BDH1: variants seen among roughly 807,000 people sequenced by gnomAD.
BDH1 encodes the protein D-beta-hydroxybutyrate dehydrogenase, mitochondrial.
Under a neutral mutation model 33.1 loss-of-function variants are expected in BDH1, and 30 were observed. The observed-to-expected ratio is 0.91, with a 90% confidence interval of 0.68 to 1.23. The LOEUF is 1.23. Ranked by LOEUF, BDH1 falls within the 50% of genes most tolerant of loss-of-function variation. The pLI, the probability that BDH1 is intolerant of heterozygous loss-of-function variation, is 0.00. For synonymous variants in BDH1, 190 were observed against 183.6 expected (o/e 1.03, Z -0.28); for missense variants, 443 against 464.4 (o/e 0.95, Z 0.42).
chr3:197,553,960 C>T (rs1716781936), intron 2 of BDH1, among the ~76,000 whole-genome samples: 1 of 152,172 alleles, frequency 6.6e-6, no homozygotes, highest in Non-Finnish European at 1.5e-5. Flanking sequence ...TTCACAAGTG[C>T]TTACTGCATT....
chr3:197,549,975 T>TTATTTATA (rs1553875236), intron 2 of BDH1, among the ~76,000 whole-genome samples: 12 of 146,890 alleles, frequency 8.2e-5, no homozygotes, highest in Non-Finnish European at 4.5e-5. Context: ...CAAATAACTA[T>TTATTTATA]TATATATATA....
intron 4 of BDH1, 99 bp downstream of exon 4, chr3:197,533,390 C>T (rs1714871707): frequency 7.9e-7 from 1 of 1,273,648 alleles, no homozygotes; most frequent in Non-Finnish European, 1.1e-6. Context: ...GTCCTGGAAA[C>T]ACTAAGGCCC....
At chr3:197,534,794 C>T (rs894225771) in intron 3 of BDH1, among the ~76,000 whole-genome samples, 4 of 152,184 alleles carry the variant, frequency 2.6e-5, no homozygotes, top group Non-Finnish European at 4.4e-5. Context: ...CATGATATTT[C>T]GCTGTGGTTT....
rs914378604 is a variant in BDH1, at chr3:197,514,810, G to T, written c.410-394C>A. Among the ~76,000 whole-genome samples, 4 of 152,124 alleles carry T rather than the reference G, an allele frequency of 2.6e-5. No homozygotes were observed. Among genetic ancestry groups the T allele is most frequent in the African/African-American group, 7.2e-5 (3 of 41,412 alleles). On this transcript the variant is annotated intron_variant, in intron 6 of 7. Transcript: ENST00000392379. This position sits in a 1 kb window ranked among gnomAD's most constrained non-coding sequence, Gnocchi z 4.2. ...GCCCCGTTCCTGTTTACTCATCTCT[G>T]CCCTTGAGCTTTTGCTCACGTCTTC...
rs898478264 is a variant in BDH1, at chr3:197,525,173, G to A, written c.268-2392C>T. Among the ~76,000 whole-genome samples, 3 of 152,144 alleles carry A rather than the reference G, an allele frequency of 2.0e-5. No homozygotes were observed. The highest frequency in any genetic ancestry group is 4.4e-5 in the Non-Finnish European group (3 of 68,010). On this transcript the variant is annotated intron_variant, in intron 5 of 7. Transcript: ENST00000392379. This position sits in a 1 kb window ranked among gnomAD's most constrained non-coding sequence, Gnocchi z 4.9. ...TCTAGGGTGTGATGACGTGGTGCCT[G>A]CAGACCCCTCTCTTCCACAGGCGGC...
intron 1 of BDH1, 107 bp downstream of exon 1, chr3:197,555,674 C>T (rs1345217056): frequency 6.6e-6 from 1 of 152,378 alleles, no homozygotes; most frequent in Non-Finnish European, 1.5e-5. Context: ...CTTCCCCACC[C>T]GTATCCCGGC....
Position 197,514,336 on chromosome 3 carries a change from C to T in BDH1, c.490G>A (p.Val164Met), listed in dbSNP as rs1165251682. The change falls in exon 7 of 8, where the codon GTG becomes ATG. Residue 164 changes from valine to methionine, a missense_variant. Transcript: ENST00000392379. This position sits in a 1 kb window ranked among gnomAD's most constrained non-coding sequence, Gnocchi z 4.2. ...GTGCCCCAAAGGTTCACTTCTGCCA[C>T]CTGCTTGTAGGTCTCCAGGCTGGTG... Reference protein sequence around the residue: ...EFTSLETYKQVAEVNLWGTVR... With the variant: ...EFTSLETYKQMAEVNLWGTVR... 2.5e-6 allele frequency: 4 copies of T among 1,613,940 alleles called. No homozygotes were observed. The highest frequency in any genetic ancestry group is 3.4e-6 in the Non-Finnish European group (4 of 1,179,914).
At chr3:197,541,868 T>A (rs550704644) in intron 3 of BDH1, among the ~76,000 whole-genome samples, 2 of 152,318 alleles carry the variant, frequency 1.3e-5, no homozygotes, top group East Asian at 3.9e-4. Flanking sequence ...AAAGCCCCAA[T>A]ATCCCTGTGA....
intron 2 of BDH1, among the ~76,000 whole-genome samples, chr3:197,546,749 G>C (rs1716113110): frequency 6.6e-6 from 1 of 152,200 alleles, no homozygotes. Flanking sequence ...CCCTGGGCAA[G>C]TCATCACCCA....
In BDH1 at chr3:197,522,580, G is replaced by T; in HGVS notation, c.409+60C>A. On this transcript the variant is annotated intron_variant, in intron 6 of 7. Coordinates refer to ENST00000392379, the MANE Select transcript of BDH1 (RefSeq NM_203314.3). This position sits in a 1 kb window ranked among gnomAD's most constrained non-coding sequence, Gnocchi z 4.8. ...TGCCAGCCAGTGGAAGGTGGTGTTC[G>T]GCAAGTGCCCCTTGGAATGGCCCCA... 6.3e-7 allele frequency: 1 copy of T among 1,599,534 alleles called. No individual in the cohort carries two copies.
upstream of BDH1, among the ~76,000 whole-genome samples, chr3:197,556,877 C>G (rs1717073230): frequency 6.6e-6 from 1 of 152,180 alleles, no homozygotes; most frequent in Non-Finnish European, 1.5e-5. Context: ...GACACCAGGA[C>G]ACATTAGTGG....
At chr3:197,561,904 C>T (rs1717273638) in intron 1 of BDH1, among the ~76,000 whole-genome samples, 1 of 152,194 alleles carries the variant, frequency 6.6e-6, no homozygotes, top group Non-Finnish European at 1.5e-5. Flanking sequence ...CCTTTGCCAT[C>T]TGCAGTACCA....
At chr3:197,541,732 C>T (rs9325395) in intron 3 of BDH1, among the ~76,000 whole-genome samples, 24,041 of 152,050 alleles carry the variant, frequency 0.16, 3,103 homozygotes, top group African/African-American at 0.36. Flanking sequence ...GAGGCACAGA[C>T]ACTTTTTCCC....
At chr3:197,561,654 C>G (rs1717265037) in intron 1 of BDH1, among the ~76,000 whole-genome samples, 1 of 151,908 alleles carries the variant, frequency 6.6e-6, no homozygotes, top group Admixed American at 6.6e-5. Flanking sequence ...GTTGTTTGTT[C>G]TGGTTGCTTT....
In BDH1 at chr3:197,526,070, C is replaced by T. The variant is rs890121772; in HGVS notation, c.268-3289G>A. ...AACCTCACCTGTAAGCTATTTTTTC[C>T]AGCCCTGGATGAAACTTCAGGCAAG... On this transcript the variant is annotated intron_variant, in intron 5 of 7. Transcript: ENST00000392379. The surrounding 1 kb of genome is among the most constrained non-coding windows in gnomAD (Gnocchi z 4.7). 6.6e-6 allele frequency among the ~76,000 whole-genome samples: 1 copy of T among 152,140 alleles called. No homozygotes were observed. Among genetic ancestry groups the T allele is most frequent in the Non-Finnish European group, 1.5e-5 (1 of 68,020 alleles).
intron 3 of BDH1, among the ~76,000 whole-genome samples, chr3:197,544,001 T>C (rs903226269): frequency 6.6e-6 from 1 of 152,134 alleles, no homozygotes; most frequent in African/African-American, 2.4e-5. Flanking sequence ...TCTCCATCAC[T>C]GGACATATTC....
At chr3:197,527,853 C>G (rs369625691) in intron 5 of BDH1, among the ~76,000 whole-genome samples, 3 of 151,972 alleles carry the variant, frequency 2.0e-5, no homozygotes, top group Non-Finnish European at 4.4e-5. Context: ...CACTCCCTCC[C>G]GCACCTCCTT....
At chr3:197,544,124 CA>C (rs1461414908) in intron 3 of BDH1, among the ~76,000 whole-genome samples, 1 of 152,112 alleles carries the variant, frequency 6.6e-6, no homozygotes, top group African/African-American at 2.4e-5. Flanking sequence ...ATGATCAGGC[CA>C]AAGTTTTCCC....
At chr3:197,559,365 C>G (rs897556495), upstream of BDH1, among the ~76,000 whole-genome samples, 2 of 152,136 alleles carry the variant, frequency 1.3e-5, no homozygotes, top group Non-Finnish European at 2.9e-5. Context: ...GATTAATGTA[C>G]CTTGTCTGTT....
Sources: allele counts gnomAD v4.1 joint callset (sites outside exome capture counted in the v4.1 genomes callset), GRCh38; gene constraint gnomAD v4.1.1; non-coding constraint Gnocchi (gnomAD v3.1); transcripts MANE v1.5; gene names NCBI Gene and HGNC (gene_info 2026-07-23, HGNC 2026-07-21).